MEIS2: variants seen among roughly 807,000 people sequenced by gnomAD.
MEIS2 encodes homeobox protein Meis2.
MEIS2 carries 9 observed loss-of-function variants against 58.6 expected under a neutral mutation model. The observed-to-expected ratio is 0.15, with a 90% CI of 0.09 to 0.27. The LOEUF is 0.27. Ranked by LOEUF, MEIS2 falls within the 10% of genes least tolerant of loss-of-function variation. The pLI is 1.00. For missense variants in MEIS2, 427 were observed against 635.0 expected (o/e 0.67, Z 3.52); for synonymous variants, 221 against 228.4 (o/e 0.97, Z 0.29).
chr15:37,097,360 C>A (rs955437344), intron 2 of MEIS2: 1 of 152,340 alleles, frequency 6.6e-6, no homozygotes, highest in African/African-American at 2.4e-5. Context: ...AATTTCCAGC[C>A]ATCTTCCTTA....
At chr15:36,993,303 T>G (rs1486598303) in intron 8 of MEIS2, among the ~76,000 whole-genome samples, 1 of 152,166 alleles carries the variant, frequency 6.6e-6, no homozygotes, top group Non-Finnish European at 1.5e-5. Flanking sequence ...TTTAACTAAT[T>G]CTTCTACTGT....
chr15:37,094,659 G>T, intron 4 of MEIS2, 82 bp from the exon 5 acceptor site: 2 of 1,219,730 alleles, frequency 1.6e-6, no homozygotes, highest in Non-Finnish European at 2.3e-6. Flanking sequence ...GGTGAGGATG[G>T]TGGTGAGAAA....
At chr15:37,074,437 C>A (rs1469948531) in intron 7 of MEIS2, among the ~76,000 whole-genome samples, 1 of 151,872 alleles carries the variant, frequency 6.6e-6, no homozygotes, top group Non-Finnish European at 1.5e-5. Flanking sequence ...TTGTGGCCTC[C>A]CTTTATGTTA....
intron 9 of MEIS2, among the ~76,000 whole-genome samples, chr15:36,918,687 G>A (rs1229779639): frequency 6.6e-6 from 1 of 152,158 alleles, no homozygotes; most frequent in Non-Finnish European, 1.5e-5. Context: ...AGAGCGGGAG[G>A]AGGAGAGGAA....
intron 3 of MEIS2, 187 bp from the exon 4 acceptor site, chr15:37,095,801 G>T: frequency 2.5e-6 from 2 of 801,346 alleles, no homozygotes; most frequent in Non-Finnish European, 3.9e-6. Flanking sequence ...TCTGGTCCTG[G>T]CCCCATTAAG....
chr15:36,971,553 A>AAAAAAAAAGAAAAAAAAAAAG (rs2059569483), intron 8 of MEIS2, among the ~76,000 whole-genome samples: 1 of 131,994 alleles, frequency 7.6e-6, no homozygotes, highest in African/African-American at 3.4e-5. Context: ...AAAAAAAAAA[A>AAAAAAAAAGAAAAAAAAAAAG]AAAAAAAAAA....
At chr15:36,949,962 CTG>C (rs1350019580) in intron 9 of MEIS2, among the ~76,000 whole-genome samples, 1 of 151,910 alleles carries the variant, frequency 6.6e-6, no homozygotes, top group Non-Finnish European at 1.5e-5. Flanking sequence ...CGTATGAGGA[CTG>C]TGCAAAAACC....
intron 8 of MEIS2, among the ~76,000 whole-genome samples, chr15:36,968,621 A>C (rs1441197780): frequency 6.6e-6 from 1 of 152,226 alleles, no homozygotes; most frequent in African/African-American, 2.4e-5. Context: ...GAGAATTCAC[A>C]AAATCCTTGA....
Position 36,892,188 on chromosome 15 carries a change from G to C in MEIS2, c.1419C>G (p.Asp473Glu). 1 of 1,614,156 alleles carries C rather than the reference G, an allele frequency of 6.2e-7. No homozygotes were observed. Among genetic ancestry groups the C allele is most frequent in the Non-Finnish European group, 8.5e-7 (1 of 1,180,022 alleles). Residue 473 changes from aspartate to glutamate, a missense_variant, in exon 12 of 12, where the codon GAC becomes GAG. By Grantham distance (45) the Asp-to-Glu change is conservative (BLOSUM62 2). This residue lies in a region of MEIS2 where 154 missense variants were observed against 148.1 expected (regional missense o/e 1.04). Transcript: ENST00000561208. The part of the protein sequence containing the change: ...VDPNVGGQVM[D>E]IHAQ ...TTCCCTTATACTATTGGGCATGAAT[G>C]TCCATAACCTGTCCGCCAACATTGG...
intron 8 of MEIS2, among the ~76,000 whole-genome samples, chr15:36,995,751 A>G (rs58495403): frequency 1.2e-4 from 16 of 131,792 alleles, no homozygotes; most frequent in African/African-American, 4.3e-4. Context: ...GAAAAGAAAG[A>G]AAGAAAGAAA....
At chr15:37,075,675 GGA>G (rs201056321) in intron 7 of MEIS2, among the ~76,000 whole-genome samples, 1 of 151,782 alleles carries the variant, frequency 6.6e-6, no homozygotes, top group Admixed American at 6.6e-5. Flanking sequence ...GGAAAAGCAG[GGA>G]GAGAGAGAGA....
chr15:37,027,848 T>C (rs1214959349), intron 8 of MEIS2, among the ~76,000 whole-genome samples: 1 of 152,042 alleles, frequency 6.6e-6, no homozygotes, highest in African/African-American at 2.4e-5. Flanking sequence ...TTCCCATAAA[T>C]CCCTGGCCCC....
chr15:37,085,715 A>C (rs572139295), intron 6 of MEIS2, among the ~76,000 whole-genome samples: 15 of 152,328 alleles, frequency 9.8e-5, no homozygotes, highest in African/African-American at 3.1e-4. Context: ...TTGAGAAAGT[A>C]GATTAGGGAA....
intron 1 of MEIS2, 82 bp downstream of exon 1, chr15:37,099,373 G>GT: frequency 1.9e-6 from 3 of 1,590,784 alleles, no homozygotes; most frequent in Non-Finnish European, 2.6e-6. Context: ...CAGCAGAAGC[G>GT]TTGAAGGGAG....
chr15:37,015,607 G>T (rs2141652618), intron 8 of MEIS2, among the ~76,000 whole-genome samples: 1 of 151,476 alleles, frequency 6.6e-6, no homozygotes, highest in South Asian at 2.1e-4. Context: ...GGGGTGGGTG[G>T]CAGGGGGAGC....
chr15:36,913,852 A>G (rs2057154568), intron 9 of MEIS2, among the ~76,000 whole-genome samples: 2 of 152,200 alleles, frequency 1.3e-5, no homozygotes, highest in Non-Finnish European at 2.9e-5. Flanking sequence ...GTCATGGAAG[A>G]GAAGCTCTTG....
intron 6 of MEIS2, among the ~76,000 whole-genome samples, chr15:37,093,049 C>T (rs996367870): frequency 1.3e-5 from 2 of 152,078 alleles, no homozygotes; most frequent in African/African-American, 4.8e-5. Flanking sequence ...ATAGCAAAAG[C>T]CCTGAGAATT....
At chr15:37,062,769 T>G (rs1378352903) in intron 7 of MEIS2, among the ~76,000 whole-genome samples, 1 of 152,250 alleles carries the variant, frequency 6.6e-6, no homozygotes, top group East Asian at 1.9e-4. Flanking sequence ...AATTCTGTTA[T>G]GTGCCATATG....
intron 8 of MEIS2, among the ~76,000 whole-genome samples, chr15:36,998,045 C>A (rs1015749035): frequency 6.6e-6 from 1 of 152,100 alleles, no homozygotes; most frequent in African/African-American, 2.4e-5. Context: ...ACTGTACTGT[C>A]CCTTTAGATG....
Sources: gnomAD v4.1 joint callset for allele counts (sites outside exome capture counted in the v4.1 genomes callset) on GRCh38, gnomAD v4.1.1 for gene constraint, gnomAD v4.1.1 regional missense constraint, MANE v1.5 for transcripts, NCBI Gene and HGNC (gene_info 2026-07-23, HGNC 2026-07-21) for gene names.